ELMOD3: variants seen among roughly 807,000 people sequenced by gnomAD.
ELMOD3 encodes ELMO domain containing 3, also known as ELMO domain-containing protein 3.
ELMOD3 carries 36 observed loss-of-function variants against 47.4 expected under a neutral mutation model. The ratio of observed to expected loss-of-function variants is 0.76; its 90% confidence interval spans 0.58 to 1.00. The LOEUF (loss-of-function observed/expected upper bound fraction) is 1.00, where lower values mean the gene tolerates loss of function less well. ELMOD3 is among the 50% of genes least tolerant of loss of function. The pLI is 0.00. For missense variants in ELMOD3, 404 were observed against 463.8 expected (o/e 0.87, Z 1.18); for synonymous variants, 149 against 183.5 (o/e 0.81, Z 1.52).
rs769112797 is a variant in ELMOD3 at position 85,371,212 on chromosome 2, G to A, written c.484+3G>A. On this transcript the variant is annotated splice_donor_region_variant and intron_variant, in intron 9 of 13. Coordinates refer to ENST00000409013, the MANE Select transcript of ELMOD3 (RefSeq NM_001135022.2). ...CTTGGTCCTGACCATTGCTCAGTGT[G>A]AGTGCAATGCGAGCCCACAGGGCAG... is the stretch of plus-strand genomic sequence containing the variant. 1 of 1,614,258 alleles carries A rather than the reference G, an allele frequency of 6.2e-7. No individual in the cohort carries two copies. Among genetic ancestry groups the A allele is most frequent in the Admixed American group, 1.7e-5 (1 of 60,010 alleles).
intron 11 of ELMOD3, among the ~76,000 whole-genome samples, chr2:85,388,686 T>C (rs1686104768): frequency 6.6e-6 from 1 of 152,186 alleles, no homozygotes; most frequent in Admixed American, 6.5e-5. Flanking sequence ...AAATGCACCA[T>C]CCAGTACAGC....
intron 13 of ELMOD3, 24 bp from the exon 14 acceptor site, chr2:85,390,736 G>A (rs1023714042): frequency 1.9e-6 from 3 of 1,549,126 alleles, no homozygotes; most frequent in Non-Finnish European, 2.6e-6. Context: ...CAAGCCTTCT[G>A]CTCCCCAATT....
At chr2:85,368,658 A>G (rs755448717) in intron 6 of ELMOD3, 28 bp from the exon 7 acceptor site, 4 of 1,612,280 alleles carry the variant, frequency 2.5e-6, no homozygotes, top group South Asian at 1.1e-5. Flanking sequence ...TAGATCTCAG[A>G]GGGTCTCCTT....
In ELMOD3 at chr2:85,390,891, T is replaced by A; in HGVS notation, c.1075T>A (p.Phe359Ile). 1 of 1,551,666 alleles carries A rather than the reference T, an allele frequency of 6.4e-7. No individual in the cohort carries two copies. The highest frequency in any genetic ancestry group is 8.7e-7 in the Non-Finnish European group (1 of 1,146,986). The change falls in exon 14 of 14, where the codon TTC becomes ATC. Residue 359 changes from phenylalanine to isoleucine, a missense_variant. Phe to Ile is a conservative substitution (Grantham distance 21). Coordinates refer to ENST00000409013, the MANE Select transcript of ELMOD3 (RefSeq NM_001135022.2). ...QKCYGPEAPPFKDLTFTGESD... is the reference protein window; with the variant it reads ...QKCYGPEAPPIKDLTFTGESD... ...GTGCTATGGGCCAGAAGCCCCTCCC[T>A]TCAAGGATCTCACCTTCACAGGTGA... is the stretch of plus-strand genomic sequence containing the variant.
intron 4 of ELMOD3, chr2:85,360,822 C>T (rs920715024): frequency 3.7e-6 from 1 of 273,866 alleles, no homozygotes; most frequent in Non-Finnish European, 7.7e-6. Flanking sequence ...GAAATTCTTT[C>T]ACTGGTAGAA....
At chr2:85,373,425 TTCAA>T (rs1684944505) in intron 10 of ELMOD3, among the ~76,000 whole-genome samples, 1 of 148,224 alleles carries the variant, frequency 6.7e-6, no homozygotes, top group Non-Finnish European at 1.5e-5. Context: ...AGATTTTTGT[TTCAA>T]TCAACAAACA....
rs1685153560 is a variant in ELMOD3 at position 85,376,135 on chromosome 2, AC to A, written c.608-1208del. Among the ~76,000 whole-genome samples the A allele has an allele frequency of 6.6e-6, 1 of 152,144 alleles. No homozygotes were observed. The highest frequency in any genetic ancestry group is 6.5e-5 in the Admixed American group (1 of 15,278). On this transcript the variant is annotated intron_variant, in intron 10 of 13. Coordinates refer to ENST00000409013, the MANE Select transcript of ELMOD3 (RefSeq NM_001135022.2). This position sits in a 1 kb window ranked among gnomAD's most constrained non-coding sequence, Gnocchi z 4.2. ...GGGCGGGGGGATTATTTTGCCTACC[AC>A]GGCTGCTTTAAATTCCTTGTCAAAT... is the stretch of plus-strand genomic sequence containing the variant.
intron 4 of ELMOD3, among the ~76,000 whole-genome samples, chr2:85,360,391 T>A (rs933086556): frequency 2.0e-5 from 3 of 151,622 alleles, no homozygotes; most frequent in African/African-American, 7.3e-5. Context: ...TCTCACTCTG[T>A]TGCCCAGGCT....
chr2:85,378,708 C>A (rs538430493), intron 11 of ELMOD3, among the ~76,000 whole-genome samples: 1 of 152,186 alleles, frequency 6.6e-6, no homozygotes, highest in Non-Finnish European at 1.5e-5. Context: ...TGACATTTCC[C>A]TTTAGCTTAG....
Position 85,362,237 on chromosome 2 carries a change from GT to G in ELMOD3, c.108del (p.Leu37TrpfsTer11). On this transcript the variant is annotated frameshift_variant, in exon 5 of 14. Transcript: ENST00000409013. LOFTEE classifies it high-confidence loss of function. ...YSPSYDKDKSVLAFRGIPISE... is the reference protein window; with the variant it reads ...YSPSYDKDKSXLAFRGIPISE... ...TCCATCATATGACAAGGACAAGAGT[GT>G]TCTGGCTTTCAGAGGAATCCCTGTA... The G allele has an allele frequency of 6.2e-7, 1 of 1,605,692 alleles. No homozygotes were observed. Among genetic ancestry groups the G allele is most frequent in the South Asian group, 1.1e-5 (1 of 90,928 alleles).
At chr2:85,371,654 G>C in intron 10 of ELMOD3, 92 bp downstream of exon 10, 1 of 1,547,768 alleles carries the variant, frequency 6.5e-7, no homozygotes, top group Non-Finnish European at 8.8e-7. Context: ...GTGCTATGAG[G>C]GGGAAGATCT....
At chr2:85,361,659 G>A (rs1683964491) in intron 4 of ELMOD3, among the ~76,000 whole-genome samples, 1 of 152,196 alleles carries the variant, frequency 6.6e-6, no homozygotes, top group Non-Finnish European at 1.5e-5. Context: ...GCCGGGCCCG[G>A]TGGCTCACGC....
At chr2:85,377,769 C>T (rs1685267386) in intron 11 of ELMOD3, among the ~76,000 whole-genome samples, 1 of 152,166 alleles carries the variant, frequency 6.6e-6, no homozygotes. Context: ...ATTTCTTCAG[C>T]AAGGATTTTT....
At chr2:85,378,623 T>C (rs369574425) in intron 11 of ELMOD3, among the ~76,000 whole-genome samples, 26 of 152,316 alleles carry the variant, frequency 1.7e-4, no homozygotes, top group South Asian at 1.2e-3. Context: ...CAATCAGATA[T>C]GCATTTATCT....
chr2:85,379,160 G>GA (rs373378388), intron 11 of ELMOD3, among the ~76,000 whole-genome samples: 210 of 150,310 alleles, frequency 1.4e-3, no homozygotes, highest in African/African-American at 4.7e-3. Flanking sequence ...TAGGAAAATG[G>GA]AAAAAAAAAG....
chr2:85,361,090 A>G (rs1275392132), intron 4 of ELMOD3, among the ~76,000 whole-genome samples: 5 of 152,194 alleles, frequency 3.3e-5, no homozygotes, highest in African/African-American at 1.2e-4. Flanking sequence ...AAGTGCTGGG[A>G]TTGTAGCTGT....
In ELMOD3 at chr2:85,391,263, T is replaced by C. The variant is rs553552993; in HGVS notation, c.*301T>C. ...TATCCCACTGGGAGTGAATGGATCA[T>C]GAGGTGGGATGGCCCCATCTGGATG... is the stretch of plus-strand genomic sequence containing the variant. On this transcript the variant is annotated 3_prime_UTR_variant, in exon 14 of 14. Coordinates refer to ENST00000409013, the MANE Select transcript of ELMOD3 (RefSeq NM_001135022.2). 1 of 304,214 alleles carries C rather than the reference T, an allele frequency of 3.3e-6. No individual in the cohort carries two copies. The highest frequency in any genetic ancestry group is 7.6e-5 in the East Asian group (1 of 13,130). 18.8% of individuals were successfully genotyped at this position (304,214 alleles called of 1,614,324 possible).
At chr2:85,371,386 C>T (rs1443660109) in intron 9 of ELMOD3, 54 bp from the exon 10 acceptor site, 22 of 1,609,312 alleles carry the variant, frequency 1.4e-5, no homozygotes, top group Middle Eastern at 1.7e-4. Flanking sequence ...GAGAAGCACC[C>T]GGTTCTCCCA....
intron 13 of ELMOD3, chr2:85,390,545 C>T (rs1218504075): frequency 1.3e-6 from 2 of 1,572,630 alleles, no homozygotes; most frequent in Admixed American, 1.8e-5. Context: ...TTCAAAGTTG[C>T]AATTGTGCAG....
Sources: allele counts gnomAD v4.1 joint callset (sites outside exome capture counted in the v4.1 genomes callset), GRCh38; gene constraint gnomAD v4.1.1; non-coding constraint Gnocchi (gnomAD v3.1); transcripts MANE v1.5; gene names NCBI Gene and HGNC (gene_info 2026-07-23, HGNC 2026-07-21).